Variants in IL7 observed in about 807,000 individuals in gnomAD.
IL7 encodes interleukin 7, also known as interleukin-7.
A neutral mutation model predicts 21.6 loss-of-function variants in IL7; 3 were observed. The observed-to-expected ratio is 0.14, with a 90% CI of 0.06 to 0.36. The LOEUF is 0.36. IL7 is among the 10% of genes least tolerant of loss of function. The pLI is 1.00. For synonymous variants in IL7, 62 were observed against 68.1 expected (o/e 0.91, Z 0.44); for missense variants, 175 against 200.2 (o/e 0.87, Z 0.76).
Position 78,740,029 on chromosome 8 carries a change from A to T in IL7, c.201T>A (p.Phe67Leu). 6.5e-7 allele frequency: 1 copy of T among 1,541,630 alleles called. No individual in the cohort carries two copies. The highest frequency in any genetic ancestry group is 1.3e-5 in the South Asian group (1 of 77,598). ...SNCLNNEFNF[F>L]KRHICDANKE... is the part of the protein sequence containing the mutation. ...TATTAGCATCACAGATATGTCTTTT[A>T]AAAAAGTTAAATTCATTATTCAGGC... Residue 67 changes from phenylalanine (F) to leucine (L), a missense_variant, in exon 3 of 6, where the codon TTT (phenylalanine) becomes TTA (leucine). Phe to Leu is a conservative substitution (Grantham distance 22). Coordinates refer to ENST00000263851, the MANE Select transcript of IL7 (RefSeq NM_000880.4).
chr8:78,756,039 A>G (rs1812335500), intron 2 of IL7, among the ~76,000 whole-genome samples: 1 of 151,988 alleles, frequency 6.6e-6, no homozygotes, highest in Admixed American at 6.6e-5. Context: ...CATCATAAAG[A>G]GTTCTTGAAT....
intron 1 of IL7, among the ~76,000 whole-genome samples, chr8:78,798,774 C>T (rs1365215379): frequency 2.6e-5 from 4 of 151,980 alleles, no homozygotes; most frequent in Non-Finnish European, 5.9e-5. Context: ...AAAAGTCTTA[C>T]AAAGTTTATG....
At chr8:78,683,434 A>C (rs1000908370) in intron 4 of IL7, among the ~76,000 whole-genome samples, 6 of 152,202 alleles carry the variant, frequency 3.9e-5, no homozygotes, top group African/African-American at 1.4e-4. Flanking sequence ...GGAAGCTGCC[A>C]AGGCTTTGGG....
chr8:78,763,231 C>A (rs1209829518), intron 2 of IL7, among the ~76,000 whole-genome samples: 1 of 152,120 alleles, frequency 6.6e-6, no homozygotes, highest in Non-Finnish European at 1.5e-5. Context: ...ATCTTCACGC[C>A]CCCAGCCTGT....
At chr8:78,687,672 G>A (rs1398623180) in intron 3 of IL7, among the ~76,000 whole-genome samples, 3 of 108,750 alleles carry the variant, frequency 2.8e-5, no homozygotes, top group South Asian at 2.9e-4. Flanking sequence ...ATATATTTAC[G>A]TAATACATTA....
intron 2 of IL7, among the ~76,000 whole-genome samples, chr8:78,791,514 C>CG (rs1207950618): frequency 6.6e-6 from 1 of 152,066 alleles, no homozygotes; most frequent in Non-Finnish European, 1.5e-5. Flanking sequence ...GTGGCACATG[C>CG]CTGTAATCCT....
chr8:78,705,305 T>G (rs1215187558), intron 3 of IL7, among the ~76,000 whole-genome samples: 1 of 152,222 alleles, frequency 6.6e-6, no homozygotes, highest in East Asian at 1.9e-4. Context: ...TTTGTTTTTT[T>G]GAACAACTCT....
chr8:78,775,552 T>C (rs149410218), intron 2 of IL7, among the ~76,000 whole-genome samples: 64 of 152,220 alleles, frequency 4.2e-4, no homozygotes, highest in African/African-American at 1.5e-3. Context: ...AAAATTCTAA[T>C]TGGAAAAATC....
chr8:78,774,226 C>T (rs1813057247), intron 2 of IL7, among the ~76,000 whole-genome samples: 1 of 152,056 alleles, frequency 6.6e-6, no homozygotes, highest in Non-Finnish European at 1.5e-5. Flanking sequence ...ACTGCAGATC[C>T]TTATCTAACC....
intron 3 of IL7, among the ~76,000 whole-genome samples, chr8:78,693,020 T>C (rs1389646225): frequency 6.6e-6 from 1 of 152,028 alleles, no homozygotes; most frequent in Non-Finnish European, 1.5e-5. Flanking sequence ...CTGAGAATGA[T>C]GGTTTCCAGC....
intron 3 of IL7, among the ~76,000 whole-genome samples, chr8:78,688,369 C>G (rs1200898742): frequency 6.6e-6 from 1 of 151,924 alleles, no homozygotes; most frequent in African/African-American, 2.4e-5. Context: ...TTATTTCTTT[C>G]TTATGAGAGG....
chr8:78,729,994 A>C (rs1355494474), downstream of IL7, among the ~76,000 whole-genome samples: 1 of 151,962 alleles, frequency 6.6e-6, no homozygotes, highest in African/African-American at 2.4e-5. Flanking sequence ...AAGCATGGGA[A>C]AGCTTCAGAA....
chr8:78,726,707 C>T (rs550257227), intron 3 of IL7, among the ~76,000 whole-genome samples: 30 of 151,920 alleles, frequency 2.0e-4, no homozygotes, highest in Non-Finnish European at 3.5e-4. Flanking sequence ...TTTCCTCCCC[C>T]ACCTGAGTGT....
At chr8:78,749,517 A>G (rs1198512100) in intron 2 of IL7, among the ~76,000 whole-genome samples, 1 of 152,188 alleles carries the variant, frequency 6.6e-6, no homozygotes, top group Non-Finnish European at 1.5e-5. Context: ...ATAGAACCAC[A>G]ACTTACTGAA....
At position 78,790,215 on chromosome 8, in the gene IL7, G is replaced by A. The variant is rs181047505; in HGVS notation, c.147+7857C>T. Among the ~76,000 whole-genome samples, 676 of 152,212 alleles carry A rather than the reference G, an allele frequency of 4.4e-3. 7 individuals carry two copies. Among genetic ancestry groups the A allele is most frequent in the African/African-American group, 0.015 (618 of 41,532 alleles). On this transcript the variant is annotated intron_variant, in intron 2 of 5. Transcript: ENST00000263851. ...TTAGACTGAGTTATTCCTAGAAAGC[G>A]TTTGGCCATTTCTAGCAGCCTTTAT...
intron 3 of IL7, chr8:78,723,801 C>T (rs1586043037): frequency 4.4e-6 from 1 of 229,536 alleles, no homozygotes; most frequent in East Asian, 1.1e-4. Flanking sequence ...CCAAATCAGT[C>T]ATCAGGTTTC....
At chr8:78,785,117 C>A (rs1224460067) in intron 2 of IL7, among the ~76,000 whole-genome samples, 5 of 152,026 alleles carry the variant, frequency 3.3e-5, no homozygotes, top group Admixed American at 2.6e-4. Context: ...TAGAATTATT[C>A]TTCCTTGCTC....
At chr8:78,728,160 T>C (rs1270453209), downstream of IL7, among the ~76,000 whole-genome samples, 1 of 151,996 alleles carries the variant, frequency 6.6e-6, no homozygotes, top group Admixed American at 6.6e-5. Flanking sequence ...TGTTCCTTAA[T>C]CCCAAGGAAG....
At position 78,757,689 on chromosome 8, in the gene IL7, C is replaced by T. The variant is rs991428991; in HGVS notation, c.148-17607G>A. On this transcript the variant is annotated intron_variant, in intron 2 of 5. Coordinates refer to ENST00000263851, the MANE Select transcript of IL7 (RefSeq NM_000880.4). ...TCTTTGACTTTAAGTCTACTTTGTC[C>T]GATATAAGTATAGCTACTCCTGCAA... 2.6e-5 allele frequency among the ~76,000 whole-genome samples: 4 copies of T among 151,922 alleles called. No individual in the cohort carries two copies. The East Asian group carries it at 5.8e-4, about 22-fold the overall frequency.
Sources: allele counts gnomAD v4.1 joint callset (sites outside exome capture counted in the v4.1 genomes callset), GRCh38; gene constraint gnomAD v4.1.1; transcripts MANE v1.5; gene names NCBI Gene and HGNC (gene_info 2026-07-23, HGNC 2026-07-21).